LRP1B: variants seen among roughly 807,000 people sequenced by gnomAD.
LRP1B encodes the protein low-density lipoprotein receptor-related protein 1B.
LRP1B carries 217 observed loss-of-function variants against 556.6 expected under a neutral mutation model. That is an observed-to-expected ratio of 0.39 (90% CI 0.35 to 0.44). The LOEUF is 0.44. Among genes scored for constraint, LRP1B ranks in the 20% least tolerant of loss-of-function variants. LRP1B has a pLI of 1.00. For missense variants in LRP1B, 5,053 were observed against 5,620.8 expected (o/e 0.90, Z 3.23); for synonymous variants, 2,047 against 1,865.8 (o/e 1.10, Z -2.50).
At chr2:141,933,193 T>C (rs1317379355) in intron 1 of LRP1B, among the ~76,000 whole-genome samples, 2 of 152,100 alleles carry the variant, frequency 1.3e-5, no homozygotes, top group East Asian at 3.9e-4. Flanking sequence ...TATTTCATTG[T>C]CTTATCAACT....
chr2:140,844,399 TC>T (rs1692213068), intron 29 of LRP1B, among the ~76,000 whole-genome samples: 1 of 152,036 alleles, frequency 6.6e-6, no homozygotes, highest in South Asian at 2.1e-4. Flanking sequence ...AACATTTTTC[TC>T]CCACCAGATT....
At chr2:142,049,543 T>C (rs1704374462) in intron 1 of LRP1B, among the ~76,000 whole-genome samples, 1 of 152,128 alleles carries the variant, frequency 6.6e-6, no homozygotes, top group African/African-American at 2.4e-5. Context: ...TGCGTTCTCC[T>C]TGAGGTATTA....
At chr2:140,557,694 A>G (rs932226236) in intron 43 of LRP1B, among the ~76,000 whole-genome samples, 2 of 152,100 alleles carry the variant, frequency 1.3e-5, no homozygotes, top group African/African-American at 4.8e-5. Context: ...GCTGTTCTCT[A>G]TGCCTGTGAG....
At chr2:141,056,214 T>C (rs1212384775) in intron 9 of LRP1B, among the ~76,000 whole-genome samples, 1 of 151,900 alleles carries the variant, frequency 6.6e-6, no homozygotes, top group Non-Finnish European at 1.5e-5. Flanking sequence ...GTGTTATTGT[T>C]ATTTTCCAAC....
At chr2:140,931,918 AT>A in intron 20 of LRP1B, among the ~76,000 whole-genome samples, 1 of 152,286 alleles carries the variant, frequency 6.6e-6, no homozygotes, top group Middle Eastern at 3.4e-3. Context: ...AACTTAACAG[AT>A]ATGTTAGTTA....
chr2:142,051,934 G>A (rs1410814560), intron 1 of LRP1B, among the ~76,000 whole-genome samples: 1 of 152,156 alleles, frequency 6.6e-6, no homozygotes, highest in Non-Finnish European at 1.5e-5. Context: ...ATCAGTATAT[G>A]TGTTCTTTAC....
At chr2:141,092,320 TAAGA>T (rs1243854047) in intron 7 of LRP1B, among the ~76,000 whole-genome samples, 6 of 152,186 alleles carry the variant, frequency 3.9e-5, no homozygotes, top group Non-Finnish European at 8.8e-5. Flanking sequence ...TTATTGGATG[TAAGA>T]AAGAGAGGAA....
chr2:140,603,557 A>G (rs1036834365), intron 41 of LRP1B, among the ~76,000 whole-genome samples: 10 of 152,130 alleles, frequency 6.6e-5, no homozygotes, highest in African/African-American at 2.2e-4. Flanking sequence ...CTCTTCCAGT[A>G]ACCATGACAT....
intron 1 of LRP1B, among the ~76,000 whole-genome samples, chr2:142,109,932 A>G (rs1706904612): frequency 6.6e-6 from 1 of 152,156 alleles, no homozygotes; most frequent in African/African-American, 2.4e-5. Context: ...AGCAAAGTAC[A>G]GTGTCAACAT....
At chr2:140,371,380 G>A in intron 69 of LRP1B, 95 bp from the exon 70 acceptor site, 6 of 533,934 alleles carry the variant, frequency 1.1e-5, no homozygotes, top group East Asian at 3.3e-5. Flanking sequence ...ATTTATAGAT[G>A]GTAATAAAAA....
intron 2 of LRP1B, among the ~76,000 whole-genome samples, chr2:141,585,683 T>C (rs1483334137): frequency 6.6e-6 from 1 of 152,144 alleles, no homozygotes; most frequent in East Asian, 1.9e-4. Flanking sequence ...ATAATTTAAC[T>C]GGAATGTCAG....
chr2:141,920,859 G>T (rs1023603523), intron 1 of LRP1B, among the ~76,000 whole-genome samples: 1 of 151,878 alleles, frequency 6.6e-6, no homozygotes, highest in Non-Finnish European at 1.5e-5. Context: ...ATATAAGTTT[G>T]CACTTGTCCT....
intron 1 of LRP1B, among the ~76,000 whole-genome samples, chr2:142,063,631 T>A (rs978513847): frequency 3.3e-5 from 5 of 151,648 alleles, no homozygotes; most frequent in African/African-American, 1.2e-4. Context: ...AAAAATTCAT[T>A]TCCGCTACTT....
At position 140,907,684 on chromosome 2, in the gene LRP1B, G is replaced by A. The variant is rs371957747; in HGVS notation, c.3520+193C>T. Among the ~76,000 whole-genome samples, 5 of 152,162 alleles carry A rather than the reference G, an allele frequency of 3.3e-5. No individual in the cohort carries two copies. The East Asian group carries it at 9.7e-4, about 29-fold the overall frequency. ...GCTAGCTTTTCCTATCTTATTTTCA[G>A]AAATTTCTGATCACATTGAAGACTT... On this transcript the variant is annotated intron_variant, in intron 22 of 90. Coordinates refer to ENST00000389484, the MANE Select transcript of LRP1B (RefSeq NM_018557.3).
chr2:141,868,998 C>G (rs1195993966), intron 1 of LRP1B, among the ~76,000 whole-genome samples: 4 of 152,012 alleles, frequency 2.6e-5, no homozygotes, highest in African/African-American at 9.7e-5. Flanking sequence ...CAGTACCCAT[C>G]AATTGGATTT....
chr2:140,856,207 C>A (rs1161674760), intron 27 of LRP1B, among the ~76,000 whole-genome samples: 1 of 152,126 alleles, frequency 6.6e-6, no homozygotes, highest in Non-Finnish European at 1.5e-5. Context: ...TATTCTTTTC[C>A]ACCTCCACAT....
chr2:141,186,078 C>CAA (rs386391364), intron 7 of LRP1B, among the ~76,000 whole-genome samples: 1,374 of 77,594 alleles, frequency 0.018, 92 homozygotes, highest in Middle Eastern at 0.069. Context: ...GACTCTGTCT[C>CAA]AAAAAAAAAA....
At chr2:141,649,073 C>T (rs1162469400) in intron 2 of LRP1B, among the ~76,000 whole-genome samples, 1 of 152,196 alleles carries the variant, frequency 6.6e-6, no homozygotes, top group Non-Finnish European at 1.5e-5. Flanking sequence ...GGCTAAAATT[C>T]TAATTCATTC....
intron 1 of LRP1B, among the ~76,000 whole-genome samples, chr2:141,927,344 A>C (rs185045569): frequency 4.6e-5 from 7 of 152,220 alleles, no homozygotes; most frequent in Admixed American, 4.6e-4. Flanking sequence ...GTTTGTCTAA[A>C]TTTGTCTAAA....
Sources: gnomAD v4.1 joint callset for allele counts (sites outside exome capture counted in the v4.1 genomes callset) on GRCh38, gnomAD v4.1.1 for gene constraint, MANE v1.5 for transcripts, NCBI Gene and HGNC (gene_info 2026-07-23, HGNC 2026-07-21) for gene names.